MAD1L1: variants seen among roughly 807,000 people sequenced by gnomAD.
MAD1L1 encodes the protein mitotic arrest deficient 1 like 1.
A neutral mutation model predicts 96.9 loss-of-function variants in MAD1L1; 95 were observed. The ratio of observed to expected loss-of-function variants is 0.98; its 90% CI spans 0.83 to 1.16. The LOEUF (loss-of-function observed/expected upper bound fraction) is 1.16. Ranked by LOEUF, MAD1L1 falls within the 50% of genes most tolerant of loss-of-function variation. The pLI is 0.00. For missense variants in MAD1L1, 1,007 were observed against 954.4 expected (o/e 1.06, Z -0.73); for synonymous variants, 473 against 396.6 (o/e 1.19, Z -2.29).
chr7:1,843,802 T>C (rs2128634474), intron 18 of MAD1L1, among the ~76,000 whole-genome samples: 1 of 152,264 alleles, frequency 6.6e-6, no homozygotes, highest in East Asian at 1.9e-4. Context: ...CGAATTCACC[T>C]CCTACCCAGA....
chr7:1,971,305 G>A (rs1391598312), intron 15 of MAD1L1, among the ~76,000 whole-genome samples: 1 of 152,184 alleles, frequency 6.6e-6, no homozygotes, highest in Non-Finnish European at 1.5e-5. Flanking sequence ...GTGCAGCCAG[G>A]CTCCTACAGG....
At chr7:2,029,455 C>T (rs1298490043) in intron 12 of MAD1L1, among the ~76,000 whole-genome samples, 2 of 152,110 alleles carry the variant, frequency 1.3e-5, no homozygotes, top group East Asian at 1.9e-4. Flanking sequence ...ACCGTGTTCC[C>T]GACCGTGGAG....
intron 12 of MAD1L1, among the ~76,000 whole-genome samples, chr7:2,024,955 G>A (rs1245565339): frequency 6.6e-6 from 1 of 152,072 alleles, no homozygotes; most frequent in African/African-American, 2.4e-5. Flanking sequence ...CTGTAATGAG[G>A]GAAACATGAT....
intron 18 of MAD1L1, among the ~76,000 whole-genome samples, chr7:1,842,370 A>G (rs1321736436): frequency 6.6e-6 from 1 of 152,202 alleles, no homozygotes; most frequent in East Asian, 1.9e-4. Flanking sequence ...TGGAGGCCTG[A>G]GGTGGCCTTG....
In MAD1L1 at chr7:2,001,993, G is replaced by A. The variant is rs1043838518; in HGVS notation, c.1416+72C>T. 2.0e-6 allele frequency: 3 copies of A among 1,515,908 alleles called. No homozygotes were observed. In the African/African-American group the frequency reaches 4.1e-5, roughly 21 times the overall value. The allele number at this position is 1,515,908 out of a possible 1,614,324, so 93.9% of individuals were successfully genotyped here. On this transcript the variant is annotated intron_variant, in intron 14 of 18. Coordinates refer to ENST00000265854, the MANE Select transcript of MAD1L1 (RefSeq NM_001013836.2). ...TGGCGCCTGCAGCCTAAAGGCTTAT[G>A]GGGACAGGCGTCCCTGCCCAGACCC...
At chr7:1,967,932 G>A (rs1025820196) in intron 15 of MAD1L1, among the ~76,000 whole-genome samples, 1 of 152,130 alleles carries the variant, frequency 6.6e-6, no homozygotes, top group African/African-American at 2.4e-5. Flanking sequence ...CCACACTGCT[G>A]GTAATAAACA....
intron 10 of MAD1L1, among the ~76,000 whole-genome samples, chr7:2,180,753 A>T (rs1791163240): frequency 6.6e-6 from 1 of 152,026 alleles, no homozygotes; most frequent in Non-Finnish European, 1.5e-5. Flanking sequence ...GTATCCTGCA[A>T]CTCTGTTGAA....
At chr7:1,907,001 G>A (rs1446358365) in intron 17 of MAD1L1, among the ~76,000 whole-genome samples, 1 of 152,192 alleles carries the variant, frequency 6.6e-6, no homozygotes, top group Non-Finnish European at 1.5e-5. Context: ...GCAGGCCGAA[G>A]AGAGGCCATG....
chr7:2,034,428 G>A (rs1437180903), intron 12 of MAD1L1, among the ~76,000 whole-genome samples: 1 of 152,070 alleles, frequency 6.6e-6, no homozygotes, highest in Non-Finnish European at 1.5e-5. Context: ...TGTTGCCCAG[G>A]CTGGTCCGAA....
At chr7:2,008,128 A>G (rs986936074) in intron 13 of MAD1L1, among the ~76,000 whole-genome samples, 2 of 152,248 alleles carry the variant, frequency 1.3e-5, no homozygotes, top group African/African-American at 4.8e-5. Context: ...AGTATAAATC[A>G]TATTTCAATA....
chr7:1,952,406 C>G (rs947674673), intron 16 of MAD1L1, among the ~76,000 whole-genome samples: 1 of 152,206 alleles, frequency 6.6e-6, no homozygotes, highest in Non-Finnish European at 1.5e-5. Context: ...CAGGACCTAA[C>G]GTGGGTCCCT....
In MAD1L1 at chr7:2,120,737, G is replaced by A. The variant is rs3778979; in HGVS notation, c.1073+28415C>T. 2.2e-4 allele frequency among the ~76,000 whole-genome samples: 33 copies of A among 152,332 alleles called. No individual in the cohort carries two copies. In the East Asian group the frequency reaches 6.4e-3, roughly 29 times the overall value. On this transcript the variant is annotated intron_variant, in intron 11 of 18. Transcript: ENST00000265854. ...GAGAGACTTGTAAACAAGAGTATAT[G>A]CCAAGAAAGACAGGGGGTGCGGGAC...
intron 7 of MAD1L1, 80 bp downstream of exon 7, chr7:2,217,882 A>C: frequency 2.5e-6 from 3 of 1,190,784 alleles, no homozygotes; most frequent in Non-Finnish European, 3.8e-6. Flanking sequence ...GCTCGGCACC[A>C]GCGCAGAAAG....
chr7:2,089,527 T>C (rs1359876865), intron 11 of MAD1L1, among the ~76,000 whole-genome samples: 1 of 152,224 alleles, frequency 6.6e-6, no homozygotes, highest in Admixed American at 6.5e-5. Context: ...GTTTCAGGTA[T>C]GTATCAGCAG....
chr7:1,916,326 C>T (rs575742074), intron 17 of MAD1L1, among the ~76,000 whole-genome samples: 1 of 152,330 alleles, frequency 6.6e-6, no homozygotes, highest in South Asian at 2.1e-4. Flanking sequence ...ACGTCCACAG[C>T]ATGACTCATG....
intron 18 of MAD1L1, among the ~76,000 whole-genome samples, chr7:1,835,608 T>C (rs1782903786): frequency 6.6e-6 from 1 of 152,140 alleles, no homozygotes; most frequent in Admixed American, 6.5e-5. Context: ...GAAATACCTA[T>C]GTTATCAGGA....
chr7:2,076,316 G>A (rs183426916), intron 11 of MAD1L1, among the ~76,000 whole-genome samples: 12 of 152,334 alleles, frequency 7.9e-5, no homozygotes, highest in East Asian at 1.9e-4. Flanking sequence ...TCCTGAGGGC[G>A]GAGTGCTCCC....
At chr7:1,947,550 C>T (rs563905113) in intron 16 of MAD1L1, among the ~76,000 whole-genome samples, 2 of 152,170 alleles carry the variant, frequency 1.3e-5, no homozygotes, top group African/African-American at 4.8e-5. Flanking sequence ...CCAAGAGGCA[C>T]AGGCAGAGGC....
chr7:2,020,950 A>T (rs958640168), intron 12 of MAD1L1, among the ~76,000 whole-genome samples: 1 of 152,226 alleles, frequency 6.6e-6, no homozygotes, highest in Non-Finnish European at 1.5e-5. Context: ...ACATATGCAG[A>T]AAGTATAGGA....
Sources: allele counts gnomAD v4.1 joint callset (sites outside exome capture counted in the v4.1 genomes callset), GRCh38; gene constraint gnomAD v4.1.1; transcripts MANE v1.5; gene names NCBI Gene and HGNC (gene_info 2026-07-23, HGNC 2026-07-21).